The following WNK3 variants were observed in gnomAD, a reference collection of about 807,000 sequenced individuals.
WNK3 encodes WNK lysine deficient protein kinase 3.
In WNK3, 18 loss-of-function variants were observed where a neutral mutation model predicts 116.7. The ratio of observed to expected loss-of-function variants is 0.15; its 90% CI spans 0.11 to 0.23. The LOEUF (loss-of-function observed/expected upper bound fraction) is 0.23. Ranked by LOEUF, WNK3 falls within the 10% of genes least tolerant of loss-of-function variation. The pLI is 1.00. For synonymous variants in WNK3, 404 were observed against 469.4 expected, an observed-to-expected ratio of 0.86 and a Z score of 1.80; for missense variants, 993 against 1,323.8, an observed-to-expected ratio of 0.75 and a Z score of 3.88.
At chrX:54,264,710 A>G (rs1329846835) in intron 10 of WNK3, among the ~76,000 whole-genome samples, 1 of 111,542 alleles carries the variant, frequency 9.0e-6, no homozygotes, top group African/African-American at 3.3e-5. Context: ...TAACTTCATG[A>G]AAGCAGACTT....
intron 2 of WNK3, among the ~76,000 whole-genome samples, chrX:54,314,286 TTAAGTA>T (rs1557170303): frequency 9.0e-6 from 1 of 110,937 alleles, no homozygotes; most frequent in East Asian, 2.8e-4. Flanking sequence ...TATCACTGCT[TTAAGTA>T]TGATTTTAGT....
intron 22 of WNK3, among the ~76,000 whole-genome samples, chrX:54,204,347 A>T (rs1321105863): frequency 9.0e-6 from 1 of 110,796 alleles, no homozygotes; most frequent in Non-Finnish European, 1.9e-5. Flanking sequence ...CAAACTTCTG[A>T]CCTCAAGTGA....
chrX:54,294,706 T>C (rs782511258), exon 8 of WNK3: 2 of 1,210,998 alleles, frequency 1.7e-6, no homozygotes, highest in South Asian at 1.8e-5. Flanking sequence ...ACATTCCCCA[T>C]AGACTTGCAC....
chrX:54,244,406 G>C (rs1295629668), intron 17 of WNK3, among the ~76,000 whole-genome samples: 3 of 111,905 alleles, frequency 2.7e-5, no homozygotes, highest in Non-Finnish European at 3.8e-5. Context: ...AATTTGCCTA[G>C]TATTACATAG....
chrX:54,227,219 T>C (rs1422778175), intron 22 of WNK3, among the ~76,000 whole-genome samples: 1 of 111,766 alleles, frequency 8.9e-6, no homozygotes, highest in Admixed American at 9.5e-5. Flanking sequence ...TTTTCTTTTT[T>C]TCGCCTCATA....
intron 1 of WNK3, among the ~76,000 whole-genome samples, chrX:54,342,961 A>C (rs61341854): frequency 5.4e-5 from 6 of 110,637 alleles, no homozygotes; most frequent in Non-Finnish European, 1.1e-4. Flanking sequence ...TGGTCCTCCC[A>C]CCTCAGCATC....
At chrX:54,226,385 G>A (rs1481904576) in intron 22 of WNK3, among the ~76,000 whole-genome samples, 8 of 104,178 alleles carry the variant, frequency 7.7e-5, no homozygotes, top group African/African-American at 2.8e-4. Context: ...CAGGAGAATC[G>A]CTTGAACCTG....
rs1211408877 is a variant in WNK3 at position 54,347,118 on chromosome X, A to G, written c.-120+10568T>C. 2.7e-5 allele frequency among the ~76,000 whole-genome samples: 3 copies of G among 112,022 alleles called. No homozygotes were observed. The East Asian group carries it at 8.4e-4, about 31-fold the overall frequency. On this transcript the variant is annotated intron_variant, in intron 1 of 23. Transcript: ENST00000354646. ...TCTCTTACTAAGTTCACAGTTATAT[A>G]TAATTACCTACATGTAGCCATTTTT...
intron 21 of WNK3, among the ~76,000 whole-genome samples, chrX:54,232,113 G>A (rs782386034): frequency 0.015 from 1,401 of 95,027 alleles, 41 homozygotes; most frequent in African/African-American, 0.053. Context: ...GTGTGTGTGT[G>A]TATATATATA....
Position 54,221,109 on chromosome X carries a change from A to G in WNK3, c.4870+7605T>C, listed in dbSNP as rs782322137. The stretch of plus-strand genomic sequence containing the variant: ...CTTTATGTCCTTGTTTTTTAAAAAC[A>G]AATTCCATAAATGGAAAAAAAATAA... On this transcript the variant is annotated intron_variant, in intron 22 of 23. Coordinates refer to ENST00000354646, the Ensembl canonical transcript of WNK3. 1.1e-4 allele frequency among the ~76,000 whole-genome samples: 12 copies of G among 112,194 alleles called. No homozygotes were observed. The South Asian group carries it at 4.1e-3, about 38-fold the overall frequency.
At chrX:54,226,113 AAAAAAAAAG>A (rs2067834344) in intron 22 of WNK3, among the ~76,000 whole-genome samples, 1 of 107,452 alleles carries the variant, frequency 9.3e-6, no homozygotes, top group African/African-American at 3.3e-5. Flanking sequence ...AAAAAAAAAA[AAAAAAAAAG>A]AATCTGGATC....
At chrX:54,278,637 G>A (rs781961181) in intron 10 of WNK3, among the ~76,000 whole-genome samples, 2 of 111,132 alleles carry the variant, frequency 1.8e-5, no homozygotes, top group South Asian at 7.5e-4. Flanking sequence ...TTGAATGGAA[G>A]ACAAGCAGTG....
chrX:54,288,881 C>T, intron 10 of WNK3, among the ~76,000 whole-genome samples: 1 of 111,893 alleles, frequency 8.9e-6, no homozygotes, highest in Non-Finnish European at 1.9e-5. Context: ...CAGAGTATAA[C>T]TTCTGATGTG....
rs1288360311 is a variant in WNK3 at position 54,252,550 on chromosome X, A to T, written c.2368-863T>A. Among the ~76,000 whole-genome samples the T allele has an allele frequency of 8.2e-5, 9 of 109,558 alleles. No homozygotes were observed. In the Admixed American group the frequency reaches 8.8e-4, roughly 11 times the overall value. On this transcript the variant is annotated intron_variant, in intron 13 of 23. Coordinates refer to ENST00000354646, the Ensembl canonical transcript of WNK3. ...CTGGGTGTGGTGGCGTGCGCCTGTA[A>T]TCCCAGCTACTTGGGAGGCTGAGAC...
At chrX:54,222,230 C>T (rs2067771349) in intron 22 of WNK3, among the ~76,000 whole-genome samples, 1 of 110,133 alleles carries the variant, frequency 9.1e-6, no homozygotes, top group Non-Finnish European at 1.9e-5. Context: ...GTGGCTACCA[C>T]AAGAAAATAA....
intron 23 of WNK3, among the ~76,000 whole-genome samples, chrX:54,200,679 C>A (rs939502798): frequency 9.0e-6 from 1 of 111,400 alleles, no homozygotes; most frequent in Non-Finnish European, 1.9e-5. Flanking sequence ...ATTCACACAC[C>A]ATTTTCTACT....
intron 5 of WNK3, among the ~76,000 whole-genome samples, chrX:54,303,983 A>T (rs1464165997): frequency 9.0e-6 from 1 of 111,568 alleles, no homozygotes; most frequent in African/African-American, 3.2e-5. Flanking sequence ...AACTAAAAAC[A>T]CATTCTAGCC....
At chrX:54,281,712 C>T (rs1019593467) in intron 10 of WNK3, among the ~76,000 whole-genome samples, 6 of 111,290 alleles carry the variant, frequency 5.4e-5, no homozygotes, top group Admixed American at 1.9e-4. Flanking sequence ...GCATAATGTC[C>T]TCCTGGTTCA....
intron 17 of WNK3, among the ~76,000 whole-genome samples, chrX:54,241,041 C>G (rs1452428218): frequency 9.0e-6 from 1 of 111,492 alleles, no homozygotes; most frequent in Non-Finnish European, 1.9e-5. Flanking sequence ...TCTGTCCCTT[C>G]TCTCCCCACC....
Sources: allele counts gnomAD v4.1 joint callset (sites outside exome capture counted in the v4.1 genomes callset), GRCh38; gene constraint gnomAD v4.1.1; transcripts MANE v1.5; gene names NCBI Gene and HGNC (gene_info 2026-07-23, HGNC 2026-07-21).